Variants in ULK2 observed in about 807,000 individuals in gnomAD.
ULK2 encodes unc-51 like autophagy activating kinase 2, also known as serine/threonine-protein kinase ULK2.
A neutral mutation model predicts 127.5 loss-of-function variants in ULK2; 76 were observed. That is an observed-to-expected ratio of 0.60 (90% confidence interval 0.50 to 0.72). ULK2 has a LOEUF of 0.72. Among genes scored for constraint, ULK2 ranks in the 30% least tolerant of loss-of-function variants. ULK2 has a pLI of 0.00. For synonymous variants in ULK2, 452 were observed against 461.9 expected, an observed-to-expected ratio of 0.98 and a Z score of 0.28; for missense variants, 1,144 against 1,295.9, an observed-to-expected ratio of 0.88 and a Z score of 1.80.
chr17:19,831,754 G>C (rs908022645), intron 10 of ULK2, among the ~76,000 whole-genome samples: 1 of 152,130 alleles, frequency 6.6e-6, no homozygotes, highest in African/African-American at 2.4e-5. Flanking sequence ...TTTAGCCCAG[G>C]AGGCAGGGGT....
At chr17:19,783,966 A>C (rs1292904170) in intron 21 of ULK2, 61 bp from the exon 22 acceptor site, 1 of 1,294,280 alleles carries the variant, frequency 7.7e-7, no homozygotes, top group Admixed American at 3.9e-5. Context: ...ACCCACTCCT[A>C]CTCTTATTTA....
At chr17:19,783,987 C>G (rs2086975254) in intron 21 of ULK2, 82 bp from the exon 22 acceptor site, 2 of 1,231,680 alleles carry the variant, frequency 1.6e-6, no homozygotes, top group Non-Finnish European at 2.1e-6. Context: ...CTAAACAAAC[C>G]TGCTGAGGTG....
In ULK2 at chr17:19,797,667, TG is replaced by T; in HGVS notation, c.1537del (p.Gln513LysfsTer108). 4 of 1,534,440 alleles carry T rather than the reference TG, an allele frequency of 2.6e-6. No individual in the cohort carries two copies. Among genetic ancestry groups the T allele is most frequent in the Non-Finnish European group, 3.5e-6 (4 of 1,139,272 alleles). ...TAAGAGAGACTGTGGGGACTGAGCT[TG>T]TGGCACTGGAGAACCTAACAAGAAA... is the stretch of plus-strand genomic sequence containing the variant. ...SRNSSGSPVP[Q>X]AQSPQSLLSG... On this transcript the variant is annotated frameshift_variant, in exon 18 of 27. Coordinates refer to ENST00000395544, the MANE Select transcript of ULK2 (RefSeq NM_014683.4). LOFTEE classifies it high-confidence loss of function.
At chr17:19,823,851 C>T (rs2041222290) in intron 12 of ULK2, among the ~76,000 whole-genome samples, 1 of 152,162 alleles carries the variant, frequency 6.6e-6, no homozygotes, top group Non-Finnish European at 1.5e-5. Flanking sequence ...ATTTGCGGGG[C>T]TGTGTAAGAA....
intron 22 of ULK2, among the ~76,000 whole-genome samples, chr17:19,782,383 C>T (rs1015032376): frequency 2.0e-5 from 3 of 152,288 alleles, no homozygotes; most frequent in Non-Finnish European, 2.9e-5. Context: ...GAGACAAAAA[C>T]GTGACAAGGT....
chr17:19,838,574 T>C lies in ULK2; in HGVS notation c.714A>G (p.Arg238=). The C allele has an allele frequency of 1.9e-6, 3 of 1,612,952 alleles. No homozygotes were observed. The highest frequency in any genetic ancestry group is 1.3e-5 in the African/African-American group (1 of 74,974). Residue 238 remains arginine (R), a synonymous_variant, in exon 10 of 27, where the codon AGA becomes AGG. Coordinates refer to ENST00000395544, the MANE Select transcript of ULK2 (RefSeq NM_014683.4). ...KNRSLMPSIP[R]ETSPYLANLL... ...GATTAGCCAAATAAGGTGATGTTTC[T>C]CTGGGAATACTGGGGGAAAGGAAAA...
At chr17:19,857,135 G>C (rs546968858) in intron 3 of ULK2, among the ~76,000 whole-genome samples, 3 of 151,434 alleles carry the variant, frequency 2.0e-5, no homozygotes, top group African/African-American at 4.9e-5. Context: ...GCAAAACCTC[G>C]TCTCTACCAA....
At chr17:19,780,320 A>T in intron 25 of ULK2, 152 bp downstream of exon 25, 2 of 588,222 alleles carry the variant, frequency 3.4e-6, no homozygotes, top group Non-Finnish European at 5.3e-6. Context: ...ACAGTTGCTT[A>T]AATCCAATTA....
At chr17:19,810,321 T>C (rs543410830) in intron 14 of ULK2, 57 bp downstream of exon 14, 6 of 1,096,680 alleles carry the variant, frequency 5.5e-6, no homozygotes, top group Non-Finnish European at 8.1e-6. Context: ...TCTATAACCT[T>C]ACTCACAAAA....
At chr17:19,828,486 A>C (rs2041350704) in intron 10 of ULK2, among the ~76,000 whole-genome samples, 1 of 152,238 alleles carries the variant, frequency 6.6e-6, no homozygotes, top group African/African-American at 2.4e-5. Flanking sequence ...GGTATAAAGC[A>C]ATACAGAAGT....
At chr17:19,791,647 T>C (rs1298183019) in intron 20 of ULK2, among the ~76,000 whole-genome samples, 1 of 152,056 alleles carries the variant, frequency 6.6e-6, no homozygotes, top group East Asian at 1.9e-4. Context: ...ATTGCACTAA[T>C]GTACTCCAGC....
chr17:19,841,017 C>T (rs543796468), intron 9 of ULK2, among the ~76,000 whole-genome samples: 1 of 152,058 alleles, frequency 6.6e-6, no homozygotes, highest in South Asian at 2.1e-4. Flanking sequence ...TTGTCTTAAA[C>T]TATGTGTGTG....
intron 8 of ULK2, among the ~76,000 whole-genome samples, chr17:19,842,167 G>C (rs1263561141): frequency 6.6e-6 from 1 of 150,490 alleles, no homozygotes; most frequent in Non-Finnish European, 1.5e-5. Flanking sequence ...GTTTAACCTG[G>C]CTGTGTCACT....
At chr17:19,813,728 C>T (rs1278068573) in intron 13 of ULK2, among the ~76,000 whole-genome samples, 6 of 151,972 alleles carry the variant, frequency 3.9e-5, no homozygotes, top group Non-Finnish European at 8.8e-5. Context: ...AAAAAGATAA[C>T]TAGAAGAAAA....
chr17:19,775,172 A>T lies in ULK2; in HGVS notation c.*1177T>A, dbSNP rs1004002525. 2.6e-5 allele frequency: 4 copies of T among 152,678 alleles called. No individual in the cohort carries two copies. Among genetic ancestry groups the T allele is most frequent in the Non-Finnish European group, 5.9e-5 (4 of 68,042 alleles). The allele number at this position is 152,678 out of a possible 1,614,324, so 9.5% of individuals were successfully genotyped here. A position where few individuals can be genotyped will look rare whatever the true frequency, so the allele number is the denominator to read the frequency against. The stretch of plus-strand genomic sequence containing the variant: ...AGTAAAAGAAACCAAGTAATACACA[A>T]CGTAGGAACCATTCCTGGAGGGATA... On this transcript the variant is annotated 3_prime_UTR_variant, in exon 27 of 27. Coordinates refer to ENST00000395544, the MANE Select transcript of ULK2 (RefSeq NM_014683.4).
Position 19,771,130 on chromosome 17 carries a change from A to T in ULK2, c.*5219T>A, listed in dbSNP as rs1296509416. ...TGAGCATTTGGGCTTCCTAAGGGTG[A>T]GACAGTGTGGGGCTCCTGTGGGGAG... On this transcript the variant is annotated 3_prime_UTR_variant, in exon 27 of 27. Transcript: ENST00000395544. 1 of 152,218 alleles carries T rather than the reference A, an allele frequency of 6.6e-6. No individual in the cohort carries two copies. Among genetic ancestry groups the T allele is most frequent in the Non-Finnish European group, 1.5e-5 (1 of 68,070 alleles). The allele number at this position is 152,218 out of a possible 1,614,324, so 9.4% of individuals were successfully genotyped here.
intron 19 of ULK2, 144 bp from the exon 20 acceptor site, chr17:19,795,869 G>A (rs954674560): frequency 3.2e-6 from 3 of 934,868 alleles, no homozygotes; most frequent in Non-Finnish European, 4.8e-6. Flanking sequence ...TACAAATAAA[G>A]GACAGAAATA....
At position 19,846,806 on chromosome 17, in the gene ULK2, G is replaced by C; in HGVS notation, c.400C>G (p.Pro134Ala). The change falls in exon 6 of 27, where the codon CCA (proline) becomes GCA (alanine). Residue 134 changes from proline (P) to alanine (A), a missense_variant. By Grantham distance (27) the Pro-to-Ala change is conservative. Around this residue, in one of 2 missense-constraint regions of ULK2, gnomAD observed 231 missense variants for 325.4 expected, o/e 0.71. Coordinates refer to ENST00000395544, the MANE Select transcript of ULK2 (RefSeq NM_014683.4). ...GCATAGGACAGCAAGATGTTCTGTGGTTTGAGATCTCTGTGGATGATTCCT... is the reference window on the plus strand; with the variant it reads ...GCATAGGACAGCAAGATGTTCTGTGCTTTGAGATCTCTGTGGATGATTCCT... ...SKGIIHRDLK[P>A]QNILLSYANR... is the part of the protein sequence containing the mutation. 1 of 1,613,908 alleles carries C rather than the reference G, an allele frequency of 6.2e-7. No individual in the cohort carries two copies. The highest frequency in any genetic ancestry group is 8.5e-7 in the Non-Finnish European group (1 of 1,179,942).
At position 19,797,523 on chromosome 17, in the gene ULK2, T is replaced by C. The variant is rs769538338; in HGVS notation, c.1682A>G (p.Tyr561Cys). The C allele has an allele frequency of 3.1e-6, 5 of 1,613,636 alleles. No homozygotes were observed. The highest frequency in any genetic ancestry group is 1.3e-5 in the African/African-American group (1 of 74,786). ...CPSHTGAGYS[Y>C]SPQPSRPGSL... ...GCCAGGCCGACTGGGCTGAGGCGAG[T>C]AGCTGTACCCAGCCCCAGTATGGGA... The change falls in exon 18 of 27, where the codon TAC becomes TGC. Residue 561 changes from tyrosine to cysteine, a missense_variant. Transcript: ENST00000395544.
Sources: gnomAD v4.1 joint callset for allele counts (sites outside exome capture counted in the v4.1 genomes callset) on GRCh38, gnomAD v4.1.1 for gene constraint, gnomAD v4.1.1 regional missense constraint, MANE v1.5 for transcripts, NCBI Gene and HGNC (gene_info 2026-07-23, HGNC 2026-07-21) for gene names.